Variants in PARG observed in about 807,000 individuals in gnomAD.
PARG encodes poly(ADP-ribose) glycohydrolase.
Under a neutral mutation model 113.0 loss-of-function variants are expected in PARG, and 35 were observed. The observed-to-expected ratio is 0.31, with a 90% CI of 0.24 to 0.41. PARG has a LOEUF of 0.41. Among genes scored for constraint, PARG ranks in the 10% least tolerant of loss-of-function variants. PARG has a pLI of 1.00. For synonymous variants in PARG, 330 were observed against 409.9 expected, an observed-to-expected ratio of 0.81 and a Z score of 2.36; for missense variants, 797 against 1,169.4, an observed-to-expected ratio of 0.68 and a Z score of 4.64.
intron 16 of PARG, among the ~76,000 whole-genome samples, chr10:49,830,534 T>C (rs139000288): frequency 7.9e-4 from 120 of 152,334 alleles, no homozygotes; most frequent in African/African-American, 2.6e-3. Flanking sequence ...GAAAAATGTT[T>C]ATAACATGTA....
At chr10:49,915,824 T>A (rs1184362810) in intron 7 of PARG, 93 bp downstream of exon 7, 1 of 684,198 alleles carries the variant, frequency 1.5e-6, no homozygotes, top group African/African-American at 1.8e-5. Context: ...TAAAAGATAA[T>A]TATCTTAGTG....
intron 7 of PARG, among the ~76,000 whole-genome samples, chr10:49,897,289 T>TATG (rs1306533996): frequency 2.0e-5 from 3 of 152,280 alleles, no homozygotes; most frequent in Non-Finnish European, 2.9e-5. Flanking sequence ...CAGCTAGTAT[T>TATG]ATGATGATGA....
In PARG at chr10:49,843,555, T is replaced by C; in HGVS notation, c.2431A>G (p.Arg811Gly). The stretch of plus-strand genomic sequence containing the variant: ...TACTGAAGACAGAAACAGACTCACC[T>C]TTCACTCCCATCTTCGTGGCTCCGG... Reference protein sequence around the residue: ...WSRSHEDGSERDDWQRRCTEI... With the variant: ...WSRSHEDGSEGDDWQRRCTEI... The change falls in exon 14 of 18, where the codon AGG becomes GGG. Residue 811 changes from arginine to glycine, a missense_variant and splice_region_variant. Physicochemically the swap from Arg to Gly is moderately radical, Grantham distance 125 (BLOSUM62 -2). Transcript: ENST00000616448. 1 of 1,546,534 alleles carries C rather than the reference T, an allele frequency of 6.5e-7. No homozygotes were observed. Among genetic ancestry groups the C allele is most frequent in the Non-Finnish European group, 8.8e-7 (1 of 1,142,296 alleles).
At chr10:49,911,463 C>T (rs536725469) in intron 7 of PARG, among the ~76,000 whole-genome samples, 7 of 152,214 alleles carry the variant, frequency 4.6e-5, no homozygotes, top group Admixed American at 2.0e-4. Context: ...AAACACCACA[C>T]AGGAGGGCCA....
At chr10:49,920,466 ATATATAT>A (rs1564658297) in intron 6 of PARG, among the ~76,000 whole-genome samples, 57 of 70,662 alleles carry the variant, frequency 8.1e-4, no homozygotes, top group African/African-American at 1.9e-3. Context: ...AAAAAAAAAT[ATATATAT>A]ATATATATAT....
At position 49,906,272 on chromosome 10, in the gene PARG, A is replaced by G. The variant is rs1554844962; in HGVS notation, c.1737+9645T>C. ...TATTGGGATTACAGGCTTGAGCCAC[A>G]TGTCCAGCCATGTGGTTCTAAATGA... On this transcript the variant is annotated intron_variant, in intron 7 of 17. Transcript: ENST00000616448. Among the ~76,000 whole-genome samples the G allele has an allele frequency of 3.3e-5, 5 of 151,398 alleles. 1 individual carries two copies. In the South Asian group the frequency reaches 6.3e-4, roughly 19 times the overall value.
At position 49,914,157 on chromosome 10, in the gene PARG, G is replaced by A. The variant is rs1837341290; in HGVS notation, c.1737+1760C>T. Among the ~76,000 whole-genome samples the A allele has an allele frequency of 2.0e-5, 3 of 152,168 alleles. No individual in the cohort carries two copies. In the South Asian group the frequency reaches 6.2e-4, roughly 32 times the overall value. On this transcript the variant is annotated intron_variant, in intron 7 of 17. Coordinates refer to ENST00000616448, the MANE Select transcript of PARG (RefSeq NM_003631.5). ...ACAAATGACTACTTCATAGCAAGGT[G>A]ACAGAGGTATTGTAACCAATGGCAT...
intron 15 of PARG, among the ~76,000 whole-genome samples, chr10:49,836,336 T>TTTTTTTTTTTTTTTA (rs370070934): frequency 7.2e-6 from 1 of 138,636 alleles, no homozygotes; most frequent in African/African-American, 2.8e-5. Flanking sequence ...TTTTTTTTTT[T>TTTTTTTTTTTTTTTA]AGCCCAGGCT....
chr10:49,919,614 TTTGAGACCAGCA>T (rs1554848627), intron 6 of PARG, among the ~76,000 whole-genome samples: 1 of 151,974 alleles, frequency 6.6e-6, no homozygotes, highest in East Asian at 1.9e-4. Context: ...AGCTCAGGAG[TTTGAGACCAGCA>T]TGGGTAACAT....
At chr10:49,926,206 T>TGGAAGAAAGGAGAAAAA (rs1272663722) in intron 4 of PARG, among the ~76,000 whole-genome samples, 7 of 151,128 alleles carry the variant, frequency 4.6e-5, no homozygotes, top group Non-Finnish European at 8.8e-5. Context: ...AAAGGCAAAA[T>TGGAAGAAAGGAGAAAAA]GGAAGAAAGG....
intron 1 of PARG, among the ~76,000 whole-genome samples, chr10:49,937,639 G>C (rs1225280309): frequency 6.6e-6 from 1 of 152,166 alleles, no homozygotes; most frequent in Middle Eastern, 3.2e-3. Context: ...GTACTCCTGT[G>C]ATAAGTCTAC....
At chr10:49,878,479 G>A (rs1298447909) in intron 9 of PARG, among the ~76,000 whole-genome samples, 8 of 150,376 alleles carry the variant, frequency 5.3e-5, no homozygotes, top group East Asian at 2.0e-4. Context: ...TTAGCCAGGC[G>A]TGGTGGCATG....
chr10:49,894,204 ATT>A (rs58141680), intron 7 of PARG, among the ~76,000 whole-genome samples: 167 of 133,574 alleles, frequency 1.3e-3, no homozygotes, highest in African/African-American at 4.0e-3. Flanking sequence ...CAGCTAATTA[ATT>A]TTTTTTTTTT....
At chr10:49,849,901 C>T (rs1310027276) in intron 13 of PARG, among the ~76,000 whole-genome samples, 22 of 151,982 alleles carry the variant, frequency 1.4e-4, no homozygotes, top group Admixed American at 2.6e-4. Context: ...GCCTGCAGTT[C>T]CTGCTACTCA....
intron 7 of PARG, among the ~76,000 whole-genome samples, chr10:49,901,166 A>G (rs1848331015): frequency 6.6e-6 from 1 of 150,736 alleles, no homozygotes; most frequent in Non-Finnish European, 1.5e-5. Flanking sequence ...GCTGGAGTGC[A>G]CTGGTGTGAT....
intron 13 of PARG, among the ~76,000 whole-genome samples, chr10:49,853,034 A>ATTTT (rs4012511): frequency 9.7e-5 from 13 of 133,802 alleles, no homozygotes; most frequent in East Asian, 2.1e-4. Context: ...TAAAAAAAAA[A>ATTTT]TTTTTTTTTT....
At chr10:49,858,587 C>T (rs1554835443) in intron 12 of PARG, among the ~76,000 whole-genome samples, 2 of 133,018 alleles carry the variant, frequency 1.5e-5, no homozygotes, top group African/African-American at 5.9e-5. Context: ...TGTCAAAAGA[C>T]AGAAATTAAT....
chr10:49,838,066 G>C (rs782799844), intron 15 of PARG, among the ~76,000 whole-genome samples: 3 of 152,208 alleles, frequency 2.0e-5, no homozygotes, highest in Non-Finnish European at 4.4e-5. Context: ...AATGATTTAA[G>C]TTTGAACCAC....
At chr10:49,896,949 A>C (rs1848117261) in intron 7 of PARG, among the ~76,000 whole-genome samples, 1 of 152,228 alleles carries the variant, frequency 6.6e-6, no homozygotes, top group Admixed American at 6.5e-5. Flanking sequence ...ATGTTTAATT[A>C]GGCATATTTT....
Sources: allele counts gnomAD v4.1 joint callset (sites outside exome capture counted in the v4.1 genomes callset), GRCh38; gene constraint gnomAD v4.1.1; transcripts MANE v1.5; gene names NCBI Gene and HGNC (gene_info 2026-07-23, HGNC 2026-07-21).